The following FARP1 variants were observed in gnomAD, a reference collection of about 807,000 sequenced individuals.
FARP1 encodes the protein FERM, ARH/RhoGEF and pleckstrin domain protein 1.
Under a neutral mutation model 128.8 loss-of-function variants are expected in FARP1, and 52 were observed. The ratio of observed to expected loss-of-function variants is 0.40; its 90% CI spans 0.32 to 0.51. The LOEUF is 0.51. Ranked by LOEUF, FARP1 falls within the 20% of genes least tolerant of loss-of-function variation. FARP1 has a pLI of 0.45. For missense variants in FARP1, 1,333 were observed against 1,367.9 expected (o/e 0.97, Z 0.40); for synonymous variants, 580 against 551.8 (o/e 1.05, Z -0.72).
In FARP1 at chr13:98,309,858, G is replaced by A. The variant is rs574671256; in HGVS notation, c.172-33904G>A. ...TTTCCCTTGTGACAAAGCCATTCCC[G>A]TGCACTTTAACACAATGGGAGATAC... On this transcript the variant is annotated intron_variant, in intron 2 of 26. Transcript: ENST00000319562. 4.6e-5 allele frequency among the ~76,000 whole-genome samples: 7 copies of A among 152,252 alleles called. No individual in the cohort carries two copies. In the South Asian group the frequency reaches 1.2e-3, roughly 27 times the overall value.
chr13:98,245,888 C>A (rs1883022466), intron 2 of FARP1, among the ~76,000 whole-genome samples: 1 of 151,442 alleles, frequency 6.6e-6, no homozygotes, highest in South Asian at 2.1e-4. Context: ...CCTGCCTCAG[C>A]CTCCCGGGTA....
chr13:98,348,360 G>C (rs2139895027), intron 3 of FARP1, among the ~76,000 whole-genome samples: 1 of 152,350 alleles, frequency 6.6e-6, no homozygotes, highest in African/African-American at 2.4e-5. Context: ...TACTGATCAT[G>C]GGAATCAAGA....
At chr13:98,230,512 G>GA (rs1338003910) in intron 2 of FARP1, among the ~76,000 whole-genome samples, 2 of 152,190 alleles carry the variant, frequency 1.3e-5, no homozygotes, top group African/African-American at 4.8e-5. Context: ...AACAGTAAGT[G>GA]ACTCTGGTTA....
chr13:98,410,582 A>G, intron 14 of FARP1, 152 bp from the exon 15 acceptor site: 1 of 551,424 alleles, frequency 1.8e-6, no homozygotes, highest in Non-Finnish European at 3.3e-6. Flanking sequence ...TTATTCTCCT[A>G]ACCCAAAAAG....
Position 98,143,145 on chromosome 13 carries a change from G to A in FARP1, c.-371G>A, listed in dbSNP as rs1292979953. On this transcript the variant is annotated 5_prime_UTR_variant, in exon 1 of 27. Transcript: ENST00000319562. ...GCGGCGGGTCCGGCGCGGGCGCAGC[G>A]GTGCGGGCGCTCGGCTGGGGCGCGG... 1 of 147,204 alleles carries A rather than the reference G, an allele frequency of 6.8e-6. No individual in the cohort carries two copies. Among genetic ancestry groups the A allele is most frequent in the African/African-American group, 2.4e-5 (1 of 40,832 alleles). The allele number at this position is 147,204 out of a possible 1,614,324, so 9.1% of individuals were successfully genotyped here.
At chr13:98,381,093 G>A (rs147539326) in intron 6 of FARP1, among the ~76,000 whole-genome samples, 1,953 of 152,236 alleles carry the variant, frequency 0.013, 22 homozygotes, top group Middle Eastern at 0.024. Context: ...GCAAATAGAT[G>A]GGATGAGAAG....
intron 1 of FARP1, among the ~76,000 whole-genome samples, chr13:98,179,840 G>A (rs565498859): frequency 6.6e-6 from 1 of 152,002 alleles, no homozygotes; most frequent in Admixed American, 6.6e-5. Flanking sequence ...CTGGGTGACT[G>A]AGCAAGACTC....
At chr13:98,151,488 G>T (rs1219405152) in intron 1 of FARP1, among the ~76,000 whole-genome samples, 2 of 151,784 alleles carry the variant, frequency 1.3e-5, no homozygotes, top group Non-Finnish European at 2.9e-5. Flanking sequence ...TCTAATTTTT[G>T]GTTTTCTTGC....
intron 2 of FARP1, among the ~76,000 whole-genome samples, chr13:98,230,469 A>G (rs927332977): frequency 1.3e-5 from 2 of 152,172 alleles, no homozygotes; most frequent in Admixed American, 1.3e-4. Flanking sequence ...TCTTTTATCT[A>G]TGTTCTCAAT....
At chr13:98,448,157 T>G in intron 26 of FARP1, 79 bp from the exon 27 acceptor site, 1 of 1,250,032 alleles carries the variant, frequency 8.0e-7, no homozygotes, top group East Asian at 2.3e-5. Context: ...TCACCTTGTG[T>G]TTCTGTAAGC....
intron 5 of FARP1, among the ~76,000 whole-genome samples, chr13:98,374,258 A>G (rs1379102574): frequency 3.3e-5 from 5 of 152,144 alleles, no homozygotes; most frequent in Non-Finnish European, 7.4e-5. Context: ...ACCTGTCTCT[A>G]CAAAAAATTT....
chr13:98,363,939 A>G, intron 3 of FARP1, among the ~76,000 whole-genome samples: 1 of 152,036 alleles, frequency 6.6e-6, no homozygotes, highest in Non-Finnish European at 1.5e-5. Context: ...ATGGGGTTTC[A>G]CCACGTTGGC....
intron 13 of FARP1, among the ~76,000 whole-genome samples, chr13:98,409,011 ATTCTTAGAAG>A (rs1463912874): frequency 3.7e-4 from 57 of 152,304 alleles, no homozygotes; most frequent in Non-Finnish European, 4.7e-4. Context: ...TTCTTGAGTA[ATTCTTAGAAG>A]TAAGCAGTAG....
At chr13:98,241,705 C>A (rs141422337) in intron 2 of FARP1, among the ~76,000 whole-genome samples, 2 of 152,090 alleles carry the variant, frequency 1.3e-5, no homozygotes, top group African/African-American at 4.8e-5. Context: ...CACCTGAGGT[C>A]ATCAGGGGTT....
At chr13:98,384,665 G>A (rs1261070381) in intron 6 of FARP1, 65 bp from the exon 7 acceptor site, 11 of 970,144 alleles carry the variant, frequency 1.1e-5, no homozygotes, top group Non-Finnish European at 1.8e-5. Context: ...GGCTCACTGG[G>A]GAATATTGAC....
chr13:98,318,103 C>T (rs1188638407), intron 2 of FARP1, among the ~76,000 whole-genome samples: 61 of 121,142 alleles, frequency 5.0e-4, no homozygotes, highest in Non-Finnish European at 8.7e-4. Context: ...CAGGGTCTTG[C>T]TTTGTTACCC....
intron 1 of FARP1, among the ~76,000 whole-genome samples, chr13:98,194,610 T>C (rs1053937101): frequency 1.3e-5 from 2 of 152,208 alleles, no homozygotes; most frequent in African/African-American, 4.8e-5. Context: ...AAAATAACAA[T>C]TTATTACTTA....
chr13:98,284,012 C>G (rs552322194), intron 2 of FARP1, among the ~76,000 whole-genome samples: 75 of 152,310 alleles, frequency 4.9e-4, no homozygotes, highest in Non-Finnish European at 6.5e-4. Flanking sequence ...CTCAGTTGCA[C>G]TGGTCATGTT....
At chr13:98,147,409 A>G (rs1281151434) in intron 1 of FARP1, among the ~76,000 whole-genome samples, 1 of 152,122 alleles carries the variant, frequency 6.6e-6, no homozygotes, top group African/African-American at 2.4e-5. Flanking sequence ...TTCATATGTA[A>G]AACTGTCATA....
Sources: allele counts gnomAD v4.1 joint callset (sites outside exome capture counted in the v4.1 genomes callset), GRCh38; gene constraint gnomAD v4.1.1; transcripts MANE v1.5; gene names NCBI Gene and HGNC (gene_info 2026-07-23, HGNC 2026-07-21).